SUGCT: variants seen among roughly 807,000 people sequenced by gnomAD.
The protein encoded by SUGCT is succinyl-CoA:glutarate CoA-transferase.
In SUGCT, 41 loss-of-function variants were observed where a neutral mutation model predicts 55.0. That is an observed-to-expected ratio of 0.74 (90% CI 0.58 to 0.97). SUGCT has a LOEUF of 0.97. SUGCT is among the 50% of genes least tolerant of loss of function. SUGCT has a pLI of 0.00. For missense variants in SUGCT, 568 were observed against 547.8 expected (o/e 1.04, Z -0.37); for synonymous variants, 187 against 200.4 (o/e 0.93, Z 0.56).
intron 7 of SUGCT, 144 bp from the exon 8 acceptor site, chr7:40,274,365 AATTT>A: frequency 4.0e-6 from 3 of 749,450 alleles, no homozygotes; most frequent in Non-Finnish European, 6.2e-6. Context: ...TCACAATAGC[AATTT>A]ATTTTATTAA....
chr7:40,407,942 T>C (rs924584330), intron 9 of SUGCT, among the ~76,000 whole-genome samples: 3 of 152,128 alleles, frequency 2.0e-5, no homozygotes, highest in Admixed American at 1.3e-4. Context: ...ATTTTACCTA[T>C]TTTCTTTGAA....
intron 13 of SUGCT, among the ~76,000 whole-genome samples, chr7:40,765,716 C>T (rs62449365): frequency 0.2 from 30,969 of 151,978 alleles, 4,005 homozygotes; most frequent in East Asian, 0.43. Flanking sequence ...CAAGGGAAGG[C>T]CCATACAGGG....
At chr7:40,219,869 A>T (rs1435814867) in intron 6 of SUGCT, among the ~76,000 whole-genome samples, 1 of 152,154 alleles carries the variant, frequency 6.6e-6, no homozygotes, top group Non-Finnish European at 1.5e-5. Context: ...TAGAATTCTA[A>T]ATCTTATGTT....
chr7:40,899,049 C>A, the SUGCT span, among the ~76,000 whole-genome samples: 192 of 152,070 alleles, frequency 1.3e-3, no homozygotes, highest in Non-Finnish European at 1.9e-3. Context: ...CAACTGTGGC[C>A]TCCAAGCCAC....
chr7:40,231,994 G>A (rs1204140602), intron 6 of SUGCT, among the ~76,000 whole-genome samples: 1 of 152,080 alleles, frequency 6.6e-6, no homozygotes, highest in African/African-American at 2.4e-5. Context: ...ACAGTTACTT[G>A]GGAGGCTGAG....
intron 8 of SUGCT, among the ~76,000 whole-genome samples, chr7:40,289,604 A>T (rs1019159127): frequency 6.6e-6 from 1 of 152,200 alleles, no homozygotes; most frequent in African/African-American, 2.4e-5. Flanking sequence ...CAAGACAGGG[A>T]TGCCCTCTCC....
At chr7:40,276,766 G>T (rs1409098756) in intron 8 of SUGCT, among the ~76,000 whole-genome samples, 1 of 151,666 alleles carries the variant, frequency 6.6e-6, no homozygotes, top group Non-Finnish European at 1.5e-5. Context: ...ATACACACAG[G>T]TATATAGTCA....
chr7:40,175,995 G>A (rs1174430312), intron 1 of SUGCT, among the ~76,000 whole-genome samples: 1 of 152,118 alleles, frequency 6.6e-6, no homozygotes, highest in African/African-American at 2.4e-5. Context: ...ACTGTGGGAG[G>A]CTGAGGTGGA....
At position 40,467,204 on chromosome 7, in the gene SUGCT, GAAAAAAA is replaced by G. The variant is rs762283927; in HGVS notation, c.986+8022_986+8028del. On this transcript the variant is annotated intron_variant, in intron 11 of 13. Transcript: ENST00000335693. ...CGACAGAGCAAGACTCTAAGAAAAAGAAAAAAAAAAAAAAAAAAAAAAGCATGAAAAC... is the reference window on the plus strand; with the variant it reads ...CGACAGAGCAAGACTCTAAGAAAAAGAAAAAAAAAAAAAAAGCATGAAAAC... Among the ~76,000 whole-genome samples the G allele has an allele frequency of 1.1e-4, 9 of 83,624 alleles. No homozygotes were observed. The Admixed American group carries it at 1.2e-3, about 11-fold the overall frequency. 54.9% of individuals were successfully genotyped at this position (83,624 alleles called of 152,430 possible). A position where few individuals can be genotyped will look rare whatever the true frequency, so the allele number is the denominator to read the frequency against.
At chr7:40,821,118 T>C (rs913913462) in intron 13 of SUGCT, among the ~76,000 whole-genome samples, 7 of 152,182 alleles carry the variant, frequency 4.6e-5, no homozygotes, top group African/African-American at 1.7e-4. Context: ...TGAAGCCCAC[T>C]TGATCATGGT....
chr7:40,604,125 C>T (rs377487228), intron 12 of SUGCT, among the ~76,000 whole-genome samples: 2 of 152,100 alleles, frequency 1.3e-5, no homozygotes, highest in Admixed American at 6.6e-5. Context: ...GCAGGCTTCT[C>T]GTTTCTGTGC....
intron 8 of SUGCT, among the ~76,000 whole-genome samples, chr7:40,302,776 G>A (rs763569426): frequency 6.6e-6 from 1 of 152,044 alleles, no homozygotes; most frequent in Non-Finnish European, 1.5e-5. Context: ...ACGTTGCATT[G>A]TACAGGATGT....
chr7:40,353,278 T>C (rs1218709824), intron 9 of SUGCT, among the ~76,000 whole-genome samples: 1 of 152,060 alleles, frequency 6.6e-6, no homozygotes, highest in African/African-American at 2.4e-5. Flanking sequence ...AAAGGATTAG[T>C]CTAAATACGC....
chr7:40,895,585 TA>T, the SUGCT span, among the ~76,000 whole-genome samples: 5 of 151,836 alleles, frequency 3.3e-5, no homozygotes, highest in Non-Finnish European at 5.9e-5. Flanking sequence ...CAGAATGAAA[TA>T]AAAAATTATT....
chr7:40,433,099 A>G (rs568578666), intron 9 of SUGCT, among the ~76,000 whole-genome samples: 14 of 152,068 alleles, frequency 9.2e-5, no homozygotes, highest in African/African-American at 3.4e-4. Context: ...GAATCTCTGT[A>G]GTCAATTTTC....
At chr7:40,800,811 C>T (rs1371407862) in intron 13 of SUGCT, among the ~76,000 whole-genome samples, 1 of 152,136 alleles carries the variant, frequency 6.6e-6, no homozygotes. Context: ...GTCTACTATA[C>T]TTCAGGCATT....
intron 9 of SUGCT, among the ~76,000 whole-genome samples, chr7:40,412,084 A>G (rs1485174320): frequency 1.3e-5 from 2 of 152,186 alleles, no homozygotes; most frequent in African/African-American, 2.4e-5. Flanking sequence ...CTTGATGGCA[A>G]ATATGATGTA....
intron 12 of SUGCT, among the ~76,000 whole-genome samples, chr7:40,730,948 A>G (rs1239770528): frequency 2.6e-5 from 4 of 152,196 alleles, no homozygotes; most frequent in African/African-American, 7.2e-5. Context: ...ATATCTTGGT[A>G]TTGTGAATAA....
At chr7:40,836,655 A>G (rs1792995104) in intron 13 of SUGCT, among the ~76,000 whole-genome samples, 1 of 152,040 alleles carries the variant, frequency 6.6e-6, no homozygotes, top group Non-Finnish European at 1.5e-5. Flanking sequence ...ATTGTTCTTC[A>G]TCTCTATAAT....
Sources: gnomAD v4.1 joint callset for allele counts (sites outside exome capture counted in the v4.1 genomes callset) on GRCh38, gnomAD v4.1.1 for gene constraint, MANE v1.5 for transcripts, NCBI Gene and HGNC (gene_info 2026-07-23, HGNC 2026-07-21) for gene names.